Variants in UNC13B observed in about 807,000 individuals in gnomAD.
UNC13B encodes unc-13 homolog B, also known as protein unc-13 homolog B.
UNC13B carries 144 observed loss-of-function variants against 211.0 expected under a neutral mutation model. That is an observed-to-expected ratio of 0.68 (90% CI 0.60 to 0.78). The LOEUF is 0.78. Ranked by LOEUF, UNC13B falls within the 30% of genes least tolerant of loss-of-function variation. UNC13B has a pLI of 0.00. For synonymous variants in UNC13B, 709 were observed against 725.8 expected, an observed-to-expected ratio of 0.98 and a Z score of 0.37; for missense variants, 1,777 against 2,002.0, an observed-to-expected ratio of 0.89 and a Z score of 2.14.
At chr9:35,187,495 T>C (rs1419396983) in intron 1 of UNC13B, among the ~76,000 whole-genome samples, 1 of 152,228 alleles carries the variant, frequency 6.6e-6, no homozygotes, top group Non-Finnish European at 1.5e-5. Context: ...CTTTGGAGCA[T>C]AATTTTTCTC....
At chr9:35,181,902 A>T (rs1031106179) in intron 1 of UNC13B, among the ~76,000 whole-genome samples, 9 of 152,208 alleles carry the variant, frequency 5.9e-5, no homozygotes, top group African/African-American at 1.7e-4. Context: ...TATCCTTGAA[A>T]AACCCTAAAT....
intron 13 of UNC13B, among the ~76,000 whole-genome samples, chr9:35,371,349 C>CTTTTTTTTT (rs751513784): frequency 7.2e-6 from 1 of 138,834 alleles, no homozygotes; most frequent in Non-Finnish European, 1.6e-5. Flanking sequence ...TTCTTTCTTT[C>CTTTTTTTTT]TTTTTTTTTT....
In UNC13B at chr9:35,204,039, C is replaced by T. The variant is rs1482883026; in HGVS notation, c.23-23976C>T. Among the ~76,000 whole-genome samples, 3 of 152,252 alleles carry T rather than the reference C, an allele frequency of 2.0e-5. No homozygotes were observed. In the South Asian group the frequency reaches 6.2e-4, roughly 31 times the overall value. ...CAGGGCCTTGCTGCACTGCACAGCT[C>T]CATGCATCCTGGAGCACTGCTCTGT... On this transcript the variant is annotated intron_variant, in intron 1 of 39. Coordinates refer to ENST00000635942, the MANE Select transcript of UNC13B (RefSeq NM_001371189.2).
intron 11 of UNC13B, among the ~76,000 whole-genome samples, chr9:35,337,968 T>C (rs1831757529): frequency 6.6e-6 from 1 of 152,360 alleles, no homozygotes; most frequent in African/African-American, 2.4e-5. Flanking sequence ...ATCCTCGGTA[T>C]ATGGCCTCTT....
intron 5 of UNC13B, among the ~76,000 whole-genome samples, chr9:35,241,672 A>G (rs563461879): frequency 2.0e-5 from 3 of 152,150 alleles, no homozygotes. Context: ...TGCACTTAGT[A>G]TATCTTGGTG....
At chr9:35,396,298 T>G (rs1835868361) in intron 26 of UNC13B, among the ~76,000 whole-genome samples, 178 bp from the exon 27 acceptor site, 1 of 152,134 alleles carries the variant, frequency 6.6e-6, no homozygotes, top group African/African-American at 2.4e-5. Context: ...GCCAAGCTTG[T>G]GGAGAGTTGC....
At chr9:35,254,828 C>T (rs1296355125) in intron 6 of UNC13B, among the ~76,000 whole-genome samples, 3 of 143,720 alleles carry the variant, frequency 2.1e-5, no homozygotes. Context: ...AGTTTTTATT[C>T]TCCTAGTCCT....
chr9:35,213,595 A>G (rs1176470525), intron 1 of UNC13B, among the ~76,000 whole-genome samples: 2 of 152,232 alleles, frequency 1.3e-5, no homozygotes, highest in Non-Finnish European at 2.9e-5. Flanking sequence ...CAAGGTGATG[A>G]GTCAGGTAGC....
intron 6 of UNC13B, among the ~76,000 whole-genome samples, chr9:35,252,683 C>G (rs917189892): frequency 6.6e-5 from 10 of 151,964 alleles, no homozygotes; most frequent in Non-Finnish European, 1.5e-4. Context: ...TCAATCCCAG[C>G]ACTTTGGGAG....
chr9:35,194,531 G>A (rs1240506566), intron 1 of UNC13B, among the ~76,000 whole-genome samples: 1 of 152,174 alleles, frequency 6.6e-6, no homozygotes, highest in Admixed American at 6.5e-5. Context: ...AGCAACCCAT[G>A]GGTGCTGGGG....
At position 35,306,947 on chromosome 9, in the gene UNC13B, A is replaced by C; in HGVS notation, c.7543A>C (p.Lys2515Gln). The C allele has an allele frequency of 2.5e-6, 1 of 399,024 alleles. No homozygotes were observed. The highest frequency in any genetic ancestry group is 4.4e-6 in the Non-Finnish European group (1 of 226,054). The allele number at this position is 399,024 out of a possible 1,614,324, so 24.7% of individuals were successfully genotyped here. The change falls in exon 9 of 40, where the codon AAA becomes CAA. Residue 2515 changes from lysine to glutamine, a missense_variant. Coordinates refer to ENST00000635942, the MANE Select transcript of UNC13B (RefSeq NM_001371189.2). Reference sequence around the variant, plus strand: ...CAAAGGTGAATTATTTGGAATTTTCAAAAGTCCCAAGCCAGAGCCATACAA... The same window carrying C: ...CAAAGGTGAATTATTTGGAATTTTCCAAAGTCCCAAGCCAGAGCCATACAA... The part of the protein sequence containing the change: ...PLKGELFGIF[K>Q]SPKPEPYKQE...
chr9:35,283,408 A>G (rs1178743988), intron 7 of UNC13B, among the ~76,000 whole-genome samples: 1 of 152,218 alleles, frequency 6.6e-6, no homozygotes, highest in African/African-American at 2.4e-5. Context: ...AATTGTATAA[A>G]AATATTTTAC....
At chr9:35,209,588 G>C (rs532373228) in intron 1 of UNC13B, among the ~76,000 whole-genome samples, 1 of 151,996 alleles carries the variant, frequency 6.6e-6, no homozygotes, top group Non-Finnish European at 1.5e-5. Context: ...ATGTTGGCCC[G>C]GCTGGTCTCA....
intron 26 of UNC13B, among the ~76,000 whole-genome samples, chr9:35,393,574 CTTTTTTTTT>C (rs749007486): frequency 1.2e-3 from 143 of 118,882 alleles, no homozygotes; most frequent in Non-Finnish European, 1.7e-3. Context: ...GACTCTCTCT[CTTTTTTTTT>C]TTTTTTTTTT....
At chr9:35,267,694 G>C (rs1256451571) in intron 7 of UNC13B, among the ~76,000 whole-genome samples, 1 of 152,154 alleles carries the variant, frequency 6.6e-6, no homozygotes, top group Non-Finnish European at 1.5e-5. Context: ...CTGAGGTGTA[G>C]GTGAGTGCTG....
chr9:35,326,866 C>T (rs919293402), intron 11 of UNC13B, among the ~76,000 whole-genome samples: 2 of 152,126 alleles, frequency 1.3e-5, no homozygotes, highest in East Asian at 1.9e-4. Context: ...GAGGGACTAC[C>T]GTAATATCTA....
At chr9:35,218,194 T>C (rs1824364653) in intron 1 of UNC13B, among the ~76,000 whole-genome samples, 1 of 151,996 alleles carries the variant, frequency 6.6e-6, no homozygotes, top group African/African-American at 2.4e-5. Flanking sequence ...GGGAAAAGAG[T>C]AACAAAAACA....
At chr9:35,349,242 T>G (rs1277745913) in intron 11 of UNC13B, among the ~76,000 whole-genome samples, 2 of 151,556 alleles carry the variant, frequency 1.3e-5, no homozygotes, top group Admixed American at 6.6e-5. Context: ...AAAGACAAAT[T>G]TGAAAGGCCA....
chr9:35,324,847 T>C (rs1219923061), intron 11 of UNC13B, among the ~76,000 whole-genome samples: 1 of 152,198 alleles, frequency 6.6e-6, no homozygotes, highest in East Asian at 1.9e-4. Context: ...CTATCACCTA[T>C]ATGTGGGTTG....
Sources: allele counts gnomAD v4.1 joint callset (sites outside exome capture counted in the v4.1 genomes callset), GRCh38; gene constraint gnomAD v4.1.1; transcripts MANE v1.5; gene names NCBI Gene and HGNC (gene_info 2026-07-23, HGNC 2026-07-21).